The following TBX15 variants were observed in gnomAD, a reference collection of about 807,000 sequenced individuals.
The protein encoded by TBX15 is T-box transcription factor TBX15.
A neutral mutation model predicts 53.9 loss-of-function variants in TBX15; 18 were observed. The observed-to-expected ratio is 0.33, with a 90% CI of 0.23 to 0.49. TBX15 has a LOEUF of 0.49. TBX15 is among the 20% of genes least tolerant of loss of function. The pLI, the probability that TBX15 is intolerant of heterozygous loss-of-function variation, is 0.98. For missense variants in TBX15, 692 were observed against 749.5 expected, an observed-to-expected ratio of 0.92 and a Z score of 0.90; for synonymous variants, 295 against 278.0, an observed-to-expected ratio of 1.06 and a Z score of -0.61.
chr1:118,955,246 TAA>T lies in TBX15; in HGVS notation c.206-23416_206-23415del, dbSNP rs58623472. On this transcript the variant is annotated intron_variant, in intron 1 of 7. Transcript: ENST00000369429. ...GCCCTTTAAATATGAACAATGTGAT[TAA>T]AAAAAAAAATGGATGTTTAGGAAAA... is the stretch of plus-strand genomic sequence containing the variant. 6.0e-5 allele frequency among the ~76,000 whole-genome samples: 9 copies of T among 149,948 alleles called. No individual in the cohort carries two copies. In the East Asian group the frequency reaches 7.8e-4, roughly 13 times the overall value.
At chr1:118,932,384 T>G (rs559809800) in intron 1 of TBX15, among the ~76,000 whole-genome samples, 1 of 152,210 alleles carries the variant, frequency 6.6e-6, no homozygotes, top group African/African-American at 2.4e-5. Context: ...AAAAGCTGCT[T>G]GGGATCTTTA....
intron 6 of TBX15, among the ~76,000 whole-genome samples, chr1:118,899,537 C>T (rs1013978377): frequency 2.0e-5 from 3 of 152,080 alleles, no homozygotes; most frequent in Admixed American, 1.3e-4. Context: ...ACAGCCTGAC[C>T]GAGAGTCAAC....
Position 118,893,152 on chromosome 1 carries a change from T to C in TBX15, c.1024+5876A>G, listed in dbSNP as rs553211859. The stretch of plus-strand genomic sequence containing the variant: ...TACTCAGGAGGCTGAGGCAGGAGAA[T>C]TGTTTGAACCCAGGAGGCAGAGGTT... On this transcript the variant is annotated intron_variant, in intron 7 of 7. Coordinates refer to ENST00000369429, the MANE Select transcript of TBX15 (RefSeq NM_001330677.2). 2.0e-5 allele frequency among the ~76,000 whole-genome samples: 3 copies of C among 151,626 alleles called. No individual in the cohort carries two copies. The East Asian group carries it at 5.9e-4, about 30-fold the overall frequency.
chr1:118,987,850 G>T lies in TBX15; in HGVS notation c.-55C>A. 1 of 1,540,650 alleles carries T rather than the reference G, an allele frequency of 6.5e-7. No individual in the cohort carries two copies. On this transcript the variant is annotated 5_prime_UTR_variant, in exon 1 of 8. Coordinates refer to ENST00000369429, the MANE Select transcript of TBX15 (RefSeq NM_001330677.2). ...GCCCCCGCTACCGAGGGAGCAGCCG[G>T]CGCCCTCAAGCTCTGAGCGCCCACC...
Position 118,885,131 on chromosome 1 carries a change from C to T in TBX15, c.1410G>A (p.Gly470=). Residue 470 remains glycine, a synonymous_variant, in exon 8 of 8, where the codon GGG becomes GGA. Transcript: ENST00000369429. ...ACTGAAACTGGGAAGTGGGAAAGGA[C>T]CCCAGCTGGCCACCGTAGGCTTCCA... ...SKMEAYGGQL[G]SFPTSQFQYV... 6.2e-7 allele frequency: 1 copy of T among 1,614,168 alleles called. No homozygotes were observed. The highest frequency in any genetic ancestry group is 1.3e-5 in the African/African-American group (1 of 75,058).
intron 1 of TBX15, among the ~76,000 whole-genome samples, chr1:118,964,308 A>G (rs1656971243): frequency 1.3e-5 from 2 of 152,152 alleles, no homozygotes; most frequent in African/African-American, 4.8e-5. Context: ...CATCCTATTT[A>G]CTACTGTGAC....
At chr1:118,981,983 C>A (rs1033257852) in intron 1 of TBX15, among the ~76,000 whole-genome samples, 2 of 152,170 alleles carry the variant, frequency 1.3e-5, no homozygotes, top group Non-Finnish European at 2.9e-5. Flanking sequence ...TTAGTTTTCC[C>A]TTTTGTGAAA....
At chr1:118,942,411 A>T (rs1160882036) in intron 1 of TBX15, among the ~76,000 whole-genome samples, 1 of 152,242 alleles carries the variant, frequency 6.6e-6, no homozygotes, top group Non-Finnish European at 1.5e-5. Flanking sequence ...AAGTAAGAGA[A>T]GAGATATAGC....
At chr1:118,933,067 A>G (rs1655852427) in intron 1 of TBX15, among the ~76,000 whole-genome samples, 1 of 152,186 alleles carries the variant, frequency 6.6e-6, no homozygotes, top group Admixed American at 6.5e-5. Flanking sequence ...ATGGAAAAGA[A>G]TGGGACAGAA....
At chr1:118,972,499 G>A (rs970204356) in intron 1 of TBX15, among the ~76,000 whole-genome samples, 4 of 152,196 alleles carry the variant, frequency 2.6e-5, no homozygotes, top group African/African-American at 9.7e-5. Flanking sequence ...CCTGTGTGGA[G>A]AGGAGCTGTG....
At chr1:118,967,962 T>C (rs1018868295) in intron 1 of TBX15, among the ~76,000 whole-genome samples, 3 of 152,204 alleles carry the variant, frequency 2.0e-5, no homozygotes, top group Non-Finnish European at 2.9e-5. Context: ...TCAATAGCCA[T>C]AGTCCCTCCT....
At chr1:118,928,759 T>C (rs527268032) in intron 2 of TBX15, among the ~76,000 whole-genome samples, 1 of 152,358 alleles carries the variant, frequency 6.6e-6, no homozygotes, top group African/African-American at 2.4e-5. Flanking sequence ...CAATATCTGT[T>C]CTGTCTGGAA....
intron 3 of TBX15, among the ~76,000 whole-genome samples, 185 bp downstream of exon 3, chr1:118,926,325 G>A (rs571156726): frequency 2.0e-5 from 3 of 152,242 alleles, no homozygotes; most frequent in Admixed American, 1.3e-4. Context: ...AGAGACACAG[G>A]GGGGAATCCC....
intron 6 of TBX15, among the ~76,000 whole-genome samples, chr1:118,903,294 G>A (rs971520039): frequency 1.3e-5 from 2 of 152,022 alleles, no homozygotes; most frequent in African/African-American, 2.4e-5. Flanking sequence ...AATTGATGAT[G>A]GCTTGAAATC....
rs200090629 is a variant in TBX15 at position 118,940,737 on chromosome 1, TA to T, written c.206-8906del. On this transcript the variant is annotated intron_variant, in intron 1 of 7. Coordinates refer to ENST00000369429, the MANE Select transcript of TBX15 (RefSeq NM_001330677.2). ...AGCATATCAGAAAAACAAAAAAAAA[TA>T]AATAAAGGACAAATATGGGCCCCGA... 7.3e-4 allele frequency among the ~76,000 whole-genome samples: 103 copies of T among 141,300 alleles called. 2 individuals carry two copies. The highest frequency in any genetic ancestry group is 2.5e-3 in the African/African-American group (91 of 36,650). 92.7% of individuals were successfully genotyped at this position (141,300 alleles called of 152,430 possible).
At chr1:118,893,356 G>GAAAGAAAGAAA (rs1654238452) in intron 7 of TBX15, among the ~76,000 whole-genome samples, 3 of 51,060 alleles carry the variant, frequency 5.9e-5, no homozygotes. Flanking sequence ...AAGGAAGGAA[G>GAAAGAAAGAAA]GAAAGAAAGA....
chr1:118,950,956 G>A lies in TBX15; in HGVS notation c.206-19124C>T, dbSNP rs960154283. ...AGTCCAACATGCCACTGTGCACTCC[G>A]AAAAGACACTGGCATCTACTGCCCC... On this transcript the variant is annotated intron_variant, in intron 1 of 7. Transcript: ENST00000369429. 3.9e-5 allele frequency among the ~76,000 whole-genome samples: 6 copies of A among 152,138 alleles called. No individual in the cohort carries two copies. In the East Asian group the frequency reaches 7.7e-4, roughly 20 times the overall value.
chr1:118,966,175 C>T (rs1052179923), intron 1 of TBX15, among the ~76,000 whole-genome samples: 1 of 152,178 alleles, frequency 6.6e-6, no homozygotes, highest in Non-Finnish European at 1.5e-5. Context: ...CAGAGGTGCA[C>T]CTGGCACTTT....
At chr1:118,945,040 C>A (rs577078046) in intron 1 of TBX15, among the ~76,000 whole-genome samples, 11 of 152,288 alleles carry the variant, frequency 7.2e-5, no homozygotes, top group African/African-American at 2.6e-4. Flanking sequence ...AAAATCCATA[C>A]TTTTTAGAAA....
Sources: gnomAD v4.1 joint callset for allele counts (sites outside exome capture counted in the v4.1 genomes callset) on GRCh38, gnomAD v4.1.1 for gene constraint, MANE v1.5 for transcripts, NCBI Gene and HGNC (gene_info 2026-07-23, HGNC 2026-07-21) for gene names.